The following BBOX1 variants were observed in gnomAD, a reference collection of about 807,000 sequenced individuals.
BBOX1 encodes the protein gamma-butyrobetaine hydroxylase 1.
BBOX1 carries 35 observed loss-of-function variants against 41.6 expected under a neutral mutation model. The ratio of observed to expected loss-of-function variants is 0.84; its 90% CI spans 0.64 to 1.11. The LOEUF (loss-of-function observed/expected upper bound fraction) is 1.11, where lower values mean the gene tolerates loss of function less well. BBOX1 is among the 50% of genes most tolerant of loss of function. The probability of loss-of-function intolerance (pLI) is 0.00; values close to 1 mark genes in which losing one functional copy is unlikely to be tolerated. For synonymous variants in BBOX1, 163 were observed against 154.7 expected, an observed-to-expected ratio of 1.05 and a Z score of -0.40; for missense variants, 458 against 460.6, an observed-to-expected ratio of 0.99 and a Z score of 0.05.
chr11:27,061,350 A>C (rs781479072), intron 4 of BBOX1, among the ~76,000 whole-genome samples: 3 of 152,206 alleles, frequency 2.0e-5, no homozygotes, highest in Non-Finnish European at 2.9e-5. Context: ...TAATATAAGA[A>C]CTGGCTGCTA....
chr11:27,086,760 T>A (rs544316763), intron 4 of BBOX1, among the ~76,000 whole-genome samples: 12 of 152,138 alleles, frequency 7.9e-5, no homozygotes, highest in Non-Finnish European at 1.6e-4. Context: ...GTGGGCAAAA[T>A]AAATTGGAAA....
At chr11:27,043,418 C>CATGTGCAGGATGTGCAG (rs1482284669) in intron 2 of BBOX1, among the ~76,000 whole-genome samples, 1 of 150,150 alleles carries the variant, frequency 6.7e-6, no homozygotes, top group Admixed American at 6.6e-5. Context: ...AGAATGTGCA[C>CATGTGCAGGATGTGCAG]GTTTGGGGTA....
At chr11:27,088,489 G>C (rs1858124004) in intron 4 of BBOX1, among the ~76,000 whole-genome samples, 1 of 151,952 alleles carries the variant, frequency 6.6e-6, no homozygotes, top group Middle Eastern at 3.2e-3. Flanking sequence ...TGCTCATAGT[G>C]CTTTTCCTGC....
At chr11:27,126,823 T>C (rs756140864) in intron 8 of BBOX1, among the ~76,000 whole-genome samples, 2 of 151,942 alleles carry the variant, frequency 1.3e-5, no homozygotes, top group East Asian at 1.9e-4. Flanking sequence ...CTACAGGCAC[T>C]GCCACCACGC....
At chr11:27,073,393 A>C (rs1250838962) in intron 4 of BBOX1, among the ~76,000 whole-genome samples, 1 of 152,082 alleles carries the variant, frequency 6.6e-6, no homozygotes, top group Admixed American at 6.5e-5. Context: ...AATGGCGATC[A>C]TTAAAAAGTC....
At chr11:27,097,419 A>T (rs1426839502) in intron 5 of BBOX1, among the ~76,000 whole-genome samples, 1 of 152,072 alleles carries the variant, frequency 6.6e-6, no homozygotes, top group Non-Finnish European at 1.5e-5. Flanking sequence ...CTACGAAGTA[A>T]ATCCCAAAGA....
chr11:27,096,205 G>A (rs190836885), intron 5 of BBOX1, among the ~76,000 whole-genome samples: 10 of 152,014 alleles, frequency 6.6e-5, no homozygotes, highest in South Asian at 6.2e-4. Context: ...CATTTACCAC[G>A]TTATTCTTTC....
chr11:27,126,677 C>CTTT (rs66505246), intron 8 of BBOX1, among the ~76,000 whole-genome samples: 56 of 127,814 alleles, frequency 4.4e-4, no homozygotes, highest in South Asian at 2.5e-3. Flanking sequence ...TCTTTTTTTT[C>CTTT]TTTTTTTTTT....
At chr11:27,077,050 C>A (rs1375936058) in intron 4 of BBOX1, among the ~76,000 whole-genome samples, 2 of 152,130 alleles carry the variant, frequency 1.3e-5, no homozygotes, top group East Asian at 3.9e-4. Flanking sequence ...AGCTCCTGCA[C>A]CTGTGGCAGC....
intron 5 of BBOX1, among the ~76,000 whole-genome samples, chr11:27,101,632 A>G (rs1858660647): frequency 6.6e-6 from 1 of 151,998 alleles, no homozygotes; most frequent in Non-Finnish European, 1.5e-5. Flanking sequence ...ACCTGACTTC[A>G]TTTTTATTAA....
intron 4 of BBOX1, among the ~76,000 whole-genome samples, chr11:27,059,137 G>A (rs544060030): frequency 4.6e-5 from 7 of 151,636 alleles, no homozygotes; most frequent in East Asian, 3.9e-4. Context: ...GTGTAGCCTC[G>A]GGAGGCAGCT....
At chr11:27,060,056 G>A (rs941968784) in intron 4 of BBOX1, among the ~76,000 whole-genome samples, 7 of 152,056 alleles carry the variant, frequency 4.6e-5, no homozygotes, top group African/African-American at 1.4e-4. Context: ...GAGATTTGGG[G>A]GGCGAGGAGC....
chr11:27,098,792 G>T (rs72878452), intron 5 of BBOX1, among the ~76,000 whole-genome samples: 2,179 of 151,988 alleles, frequency 0.014, 26 homozygotes, highest in Non-Finnish European at 0.022. Context: ...AGAAAGACTT[G>T]GTGGGAAGGG....
At chr11:27,098,997 C>A (rs1858546095) in intron 5 of BBOX1, among the ~76,000 whole-genome samples, 1 of 151,814 alleles carries the variant, frequency 6.6e-6, no homozygotes, top group Admixed American at 6.6e-5. Context: ...TAACTCAGCA[C>A]CTGACACACA....
At chr11:27,122,285 A>C (rs1419895870) in intron 7 of BBOX1, among the ~76,000 whole-genome samples, 1 of 152,102 alleles carries the variant, frequency 6.6e-6, no homozygotes, top group Admixed American at 6.6e-5. Context: ...ACGTAAATTC[A>C]AGTCTTTTAC....
chr11:27,067,513 T>A (rs1242648327), intron 4 of BBOX1, among the ~76,000 whole-genome samples: 1 of 151,922 alleles, frequency 6.6e-6, no homozygotes, highest in Non-Finnish European at 1.5e-5. Context: ...GGCAGGTGGA[T>A]CACCTGAGGT....
chr11:27,095,283 G>A (rs1014180634), intron 5 of BBOX1, among the ~76,000 whole-genome samples: 3 of 151,908 alleles, frequency 2.0e-5, no homozygotes, highest in African/African-American at 7.3e-5. Flanking sequence ...TTTCATAAGA[G>A]TGGCCAAATT....
chr11:27,086,965 G>C (rs1050675414), intron 4 of BBOX1, among the ~76,000 whole-genome samples: 24 of 152,090 alleles, frequency 1.6e-4, no homozygotes, highest in Non-Finnish European at 3.2e-4. Flanking sequence ...ACTAGAATTA[G>C]AAGTAGAGCC....
At chr11:27,095,292 T>G (rs1300837567) in intron 5 of BBOX1, among the ~76,000 whole-genome samples, 1 of 151,964 alleles carries the variant, frequency 6.6e-6, no homozygotes, top group African/African-American at 2.4e-5. Context: ...AGTGGCCAAA[T>G]TTGGGGATCT....
Sources: allele counts gnomAD v4.1 joint callset (sites outside exome capture counted in the v4.1 genomes callset), GRCh38; gene constraint gnomAD v4.1.1; transcripts MANE v1.5; gene names NCBI Gene and HGNC (gene_info 2026-07-23, HGNC 2026-07-21).